Variants in ABCA9 observed in about 807,000 individuals in gnomAD.
ABCA9 encodes ATP binding cassette subfamily A member 9.
In ABCA9, 183 loss-of-function variants were observed where a neutral mutation model predicts 205.3. That is an observed-to-expected ratio of 0.89 (90% CI 0.79 to 1.01). The LOEUF (loss-of-function observed/expected upper bound fraction) is 1.01. ABCA9 is among the 50% of genes least tolerant of loss of function. ABCA9 has a pLI of 0.00. For synonymous variants in ABCA9, 651 were observed against 683.3 expected (o/e 0.95, Z 0.74); for missense variants, 1,805 against 1,912.4 (o/e 0.94, Z 1.05).
chr17:69,023,332 A>T lies in ABCA9; in HGVS notation c.2281+882T>A, dbSNP rs1468734282. 4 of 152,196 alleles carry T rather than the reference A, an allele frequency of 2.6e-5. No homozygotes were observed. The highest frequency in any genetic ancestry group is 9.6e-5 in the African/African-American group (4 of 41,460). The allele number at this position is 152,196 out of a possible 1,614,324, so 9.4% of individuals were successfully genotyped here. A position where few individuals can be genotyped will look rare whatever the true frequency, so the allele number is the denominator to read the frequency against. On this transcript the variant is annotated intron_variant, in intron 17 of 38. Coordinates refer to ENST00000340001, the MANE Select transcript of ABCA9 (RefSeq NM_080283.4). This position sits in a 1 kb window ranked among gnomAD's most constrained non-coding sequence, Gnocchi z 4.2. ...AGGTATTAAATCATTTAATCCTCAT[A>T]ACAACCCTAGAGTACTATTTTAATT...
rs1278831192 is a variant in ABCA9, at chr17:69,028,790, CTG to C, written c.1505-147_1505-146del. The C allele has an allele frequency of 5.9e-5, 28 of 477,606 alleles. No individual in the cohort carries two copies. The East Asian group carries it at 8.2e-4, about 14-fold the overall frequency. The allele number at this position is 477,606 out of a possible 1,614,324, so 29.6% of individuals were successfully genotyped here. A position where few individuals can be genotyped will look rare whatever the true frequency, so the allele number is the denominator to read the frequency against. The stretch of plus-strand genomic sequence containing the variant: ...CATCTTAAAATTCTTTCTTTTAAAA[CTG>C]TATTTCAACATTTTGTAGTGATAGT... On this transcript the variant is annotated intron_variant, in intron 11 of 38. Coordinates refer to ENST00000340001, the MANE Select transcript of ABCA9 (RefSeq NM_080283.4).
Position 69,049,439 on chromosome 17 carries a change from T to C in ABCA9, c.148A>G (p.Asn50Asp). The C allele has an allele frequency of 6.2e-7, 1 of 1,613,104 alleles. No homozygotes were observed. Among genetic ancestry groups the C allele is most frequent in the Non-Finnish European group, 8.5e-7 (1 of 1,179,452 alleles). ...GGAGTGTCATGAACTTGATGTAAAT[T>C]GGAGAAAAATAGGTACAGAAACAGT... ...LVLFLYLFFS[N>D]LHQVHDTPQM... The change falls in exon 3 of 39, where the codon AAT (asparagine) becomes GAT (aspartate). Residue 50 changes from asparagine to aspartate, a missense_variant. By Grantham distance (23) the Asn-to-Asp change is conservative. Transcript: ENST00000340001.
intron 19 of ABCA9, chr17:69,019,919 A>T (rs1473809102): frequency 6.5e-6 from 1 of 153,524 alleles, no homozygotes; most frequent in East Asian, 1.9e-4. Flanking sequence ...CTCTAACCCA[A>T]GTTTCCAGCC....
At chr17:69,008,296 A>G in intron 23 of ABCA9, 61 bp from the exon 24 acceptor site, 1 of 1,465,656 alleles carries the variant, frequency 6.8e-7, no homozygotes, top group Admixed American at 2.0e-5. Context: ...GGGAAATTGC[A>G]AATATACAGT....
chr17:69,007,460 C>T (rs1341477287), intron 25 of ABCA9, among the ~76,000 whole-genome samples: 3 of 152,040 alleles, frequency 2.0e-5, no homozygotes, highest in South Asian at 2.1e-4. Flanking sequence ...ATTACATTTC[C>T]GGTATGTGAT....
intron 31 of ABCA9, among the ~76,000 whole-genome samples, chr17:68,988,224 T>A (rs190767764): frequency 6.6e-6 from 1 of 151,306 alleles, no homozygotes; most frequent in Non-Finnish European, 1.5e-5. Flanking sequence ...GCATTTCCTC[T>A]TGGAAGTTGT....
At chr17:69,039,491 C>T (rs573910758) in intron 6 of ABCA9, among the ~76,000 whole-genome samples, 4 of 152,242 alleles carry the variant, frequency 2.6e-5, no homozygotes, top group South Asian at 2.1e-4. Context: ...GTTGGGAAAA[C>T]TGGCTAGCCA....
intron 26 of ABCA9, 135 bp from the exon 27 acceptor site, chr17:68,993,219 A>G (rs899363774): frequency 1.4e-5 from 10 of 695,234 alleles, no homozygotes; most frequent in Non-Finnish European, 2.4e-5. Context: ...GGTATCATGT[A>G]AAAGTTAATT....
chr17:68,998,271 A>G (rs536992099), intron 25 of ABCA9, among the ~76,000 whole-genome samples: 1 of 152,350 alleles, frequency 6.6e-6, no homozygotes, highest in Admixed American at 6.5e-5. Flanking sequence ...GGACCAACTA[A>G]TATTTTTCAG....
chr17:68,997,939 C>G (rs1217295215), intron 25 of ABCA9, among the ~76,000 whole-genome samples: 2 of 152,170 alleles, frequency 1.3e-5, no homozygotes, highest in Non-Finnish European at 2.9e-5. Context: ...TCCACCTATT[C>G]ATCCCTCACT....
intron 1 of ABCA9, among the ~76,000 whole-genome samples, chr17:69,054,902 A>G (rs748067405): frequency 1.3e-5 from 2 of 152,276 alleles, no homozygotes; most frequent in Non-Finnish European, 2.9e-5. Flanking sequence ...TTGTAAATAT[A>G]TATTGCAAAC....
At chr17:68,989,219 C>T (rs542573434) in intron 30 of ABCA9, 101 bp from the exon 31 acceptor site, 6 of 560,328 alleles carry the variant, frequency 1.1e-5, no homozygotes, top group Non-Finnish European at 2.0e-5. Context: ...GTGAAATGTG[C>T]TATATATATT....
At chr17:69,020,849 G>A (rs2070785415) in intron 18 of ABCA9, 3 of 324,384 alleles carry the variant, frequency 9.2e-6, no homozygotes, top group Admixed American at 9.1e-5. Context: ...TTATTCTAAG[G>A]AAATCAATGA....
At chr17:69,025,281 A>G (rs183269162) in intron 16 of ABCA9, among the ~76,000 whole-genome samples, 1 of 152,314 alleles carries the variant, frequency 6.6e-6, no homozygotes, top group East Asian at 1.9e-4. Context: ...GCTATTACAT[A>G]AATGAAGTTA....
intron 25 of ABCA9, among the ~76,000 whole-genome samples, chr17:68,999,971 GTTGT>G (rs1274390825): frequency 2.0e-5 from 3 of 152,102 alleles, no homozygotes; most frequent in Non-Finnish European, 4.4e-5. Flanking sequence ...TTTTGATGGG[GTTGT>G]TTGTTTTTTC....
chr17:69,025,788 T>C (rs1269875654), intron 16 of ABCA9, among the ~76,000 whole-genome samples: 1 of 152,148 alleles, frequency 6.6e-6, no homozygotes, highest in Non-Finnish European at 1.5e-5. Flanking sequence ...GATTGGCAGA[T>C]TGTTAAAACT....
Position 69,009,748 on chromosome 17 carries a change from G to A in ABCA9, c.3148-1513C>T, listed in dbSNP as rs550035422. 1.7e-3 allele frequency among the ~76,000 whole-genome samples: 264 copies of A among 152,212 alleles called. 3 individuals carry two copies. Among genetic ancestry groups the A allele is most frequent in the Non-Finnish European group, 4.7e-4 (32 of 68,000 alleles). Reference sequence around the variant, plus strand: ...GATGGCTCTGGCTGGTGTTTTGTAGGAGAGATGGAGGAAAACTTTCTAGAA... The same window carrying A: ...GATGGCTCTGGCTGGTGTTTTGTAGAAGAGATGGAGGAAAACTTTCTAGAA... On this transcript the variant is annotated intron_variant, in intron 23 of 38. Transcript: ENST00000340001.
chr17:69,027,260 A>G, intron 14 of ABCA9, 70 bp downstream of exon 14: 1 of 1,569,218 alleles, frequency 6.4e-7, no homozygotes, highest in South Asian at 1.2e-5. Context: ...TCATTTGAAA[A>G]TTGTTTGACC....
At chr17:69,061,833 G>C (rs2072263302), upstream of ABCA9, among the ~76,000 whole-genome samples, 1 of 152,184 alleles carries the variant, frequency 6.6e-6, no homozygotes, top group African/African-American at 2.4e-5. Context: ...CTGAAGAAGA[G>C]GGGGGAAAGG....
Sources: allele counts gnomAD v4.1 joint callset (sites outside exome capture counted in the v4.1 genomes callset), GRCh38; gene constraint gnomAD v4.1.1; non-coding constraint Gnocchi (gnomAD v3.1); transcripts MANE v1.5; gene names NCBI Gene and HGNC (gene_info 2026-07-23, HGNC 2026-07-21).